LRP1B: variants seen among roughly 807,000 people sequenced by gnomAD.
LRP1B encodes the protein LDL receptor related protein 1B.
LRP1B carries 217 observed loss-of-function variants against 556.6 expected under a neutral mutation model. The observed-to-expected ratio is 0.39, with a 90% confidence interval of 0.35 to 0.44. LRP1B has a LOEUF of 0.44. Ranked by LOEUF, LRP1B falls within the 20% of genes least tolerant of loss-of-function variation. LRP1B has a pLI of 1.00. For missense variants in LRP1B, 5,053 were observed against 5,620.8 expected (o/e 0.90, Z 3.23); for synonymous variants, 2,047 against 1,865.8 (o/e 1.10, Z -2.50).
intron 3 of LRP1B, among the ~76,000 whole-genome samples, chr2:141,314,795 GA>G (rs1203210369): frequency 0.19 from 10,013 of 52,188 alleles, 537 homozygotes; most frequent in African/African-American, 0.3. Context: ...CGTCTCAAAA[GA>G]AAAAAAAAAA....
chr2:140,348,418 A>C (rs1326321354), intron 77 of LRP1B, among the ~76,000 whole-genome samples: 2 of 152,056 alleles, frequency 1.3e-5, no homozygotes, highest in Non-Finnish European at 2.9e-5. Flanking sequence ...CTCATGGCTC[A>C]GAGGTTCCAA....
In LRP1B at chr2:140,534,054, A is replaced by G; in HGVS notation, c.7729T>C (p.Cys2577Arg). The change falls in exon 47 of 91, where the codon TGC (cysteine) becomes CGC (arginine). Residue 2577 changes from cysteine (C) to arginine (R), a missense_variant. Cys to Arg is a radical substitution (Grantham distance 180). Around this residue, in one of 5 missense-constraint regions of LRP1B, gnomAD observed 3,619 missense variants for 3,931.9 expected, o/e 0.92. Transcript: ENST00000389484. ...HGKLCDGENDCGDNSDELDCK... is the reference protein window; with the variant it reads ...HGKLCDGENDRGDNSDELDCK... Reference sequence around the variant, plus strand: ...TCTAATTCATCAGAGTTGTCTCCGCAGTCATTTTCTCCATCACATAACTTG... The same window carrying G: ...TCTAATTCATCAGAGTTGTCTCCGCGGTCATTTTCTCCATCACATAACTTG... 1 of 1,613,572 alleles carries G rather than the reference A, an allele frequency of 6.2e-7. No homozygotes were observed. The highest frequency in any genetic ancestry group is 8.5e-7 in the Non-Finnish European group (1 of 1,179,626).
At chr2:140,851,809 C>G (rs750912357) in intron 27 of LRP1B, 26 bp from the exon 28 acceptor site, 8 of 1,577,528 alleles carry the variant, frequency 5.1e-6, no homozygotes, top group East Asian at 2.3e-5. Context: ...GAAATATGAA[C>G]AGTGAAGAAG....
intron 60 of LRP1B, among the ~76,000 whole-genome samples, chr2:140,474,793 C>A (rs1250103874): frequency 6.6e-6 from 1 of 151,828 alleles, no homozygotes; most frequent in East Asian, 1.9e-4. Flanking sequence ...GAAATCCTAG[C>A]AGTTTGCAGT....
chr2:141,186,144 G>C (rs540821270), intron 7 of LRP1B, among the ~76,000 whole-genome samples: 5 of 149,154 alleles, frequency 3.4e-5, no homozygotes, highest in East Asian at 2.0e-4. Context: ...CATCCTTTTG[G>C]GGGGTAAGGC....
chr2:141,204,636 A>G (rs1457093553), intron 6 of LRP1B, among the ~76,000 whole-genome samples: 2 of 152,204 alleles, frequency 1.3e-5, no homozygotes, highest in Non-Finnish European at 2.9e-5. Flanking sequence ...TATACATAAT[A>G]ATTGCCAACA....
intron 3 of LRP1B, among the ~76,000 whole-genome samples, chr2:141,314,614 A>T (rs1686929139): frequency 6.6e-6 from 1 of 150,922 alleles, no homozygotes. Flanking sequence ...ACATGATGAA[A>T]CCCCGTTTCT....
chr2:141,217,349 G>A (rs370581424), intron 6 of LRP1B, among the ~76,000 whole-genome samples: 6 of 152,122 alleles, frequency 3.9e-5, no homozygotes, highest in African/African-American at 1.4e-4. Context: ...TTATAATTGG[G>A]TGTGATGGTA....
At chr2:140,800,391 A>G (rs1462543076) in intron 32 of LRP1B, among the ~76,000 whole-genome samples, 2 of 152,150 alleles carry the variant, frequency 1.3e-5, no homozygotes, top group Non-Finnish European at 2.9e-5. Context: ...AGAACTTAAA[A>G]GTATAATAAT....
chr2:141,890,323 C>CATACATATATATATATAT (rs1170715951), intron 1 of LRP1B, among the ~76,000 whole-genome samples: 5 of 83,818 alleles, frequency 6.0e-5, no homozygotes, highest in African/African-American at 2.2e-4. Flanking sequence ...GGGCACAATA[C>CATACATATATATATATAT]ATATATATAT....
At chr2:141,231,681 A>G (rs1226187245) in intron 5 of LRP1B, among the ~76,000 whole-genome samples, 1 of 138,640 alleles carries the variant, frequency 7.2e-6, no homozygotes, top group Non-Finnish European at 1.5e-5. Context: ...TGTTATTGCT[A>G]TCGTGTGCAC....
intron 17 of LRP1B, among the ~76,000 whole-genome samples, chr2:140,988,126 G>T (rs1379327732): frequency 6.6e-6 from 1 of 152,034 alleles, no homozygotes; most frequent in African/African-American, 2.4e-5. Context: ...GGGATAAAGA[G>T]AAATGACCTT....
At chr2:140,472,845 T>A (rs1687825886) in intron 60 of LRP1B, among the ~76,000 whole-genome samples, 1 of 152,082 alleles carries the variant, frequency 6.6e-6, no homozygotes, top group South Asian at 2.1e-4. Context: ...GTCTCATATG[T>A]TTTTTATATT....
At chr2:140,948,677 C>T (rs144901341) in intron 20 of LRP1B, among the ~76,000 whole-genome samples, 5 of 152,308 alleles carry the variant, frequency 3.3e-5, no homozygotes, top group Non-Finnish European at 5.9e-5. Context: ...ATAATTTCTA[C>T]GATGTCCATT....
intron 2 of LRP1B, among the ~76,000 whole-genome samples, chr2:141,774,421 T>C (rs749308196): frequency 6.6e-6 from 1 of 152,050 alleles, no homozygotes; most frequent in Non-Finnish European, 1.5e-5. Flanking sequence ...TGGCCAGATC[T>C]TGTGTGCACT....
At chr2:141,681,188 A>G (rs1035174932) in intron 2 of LRP1B, among the ~76,000 whole-genome samples, 15 of 152,156 alleles carry the variant, frequency 9.9e-5, no homozygotes, top group Admixed American at 8.5e-4. Context: ...AGCTCCTTGG[A>G]GGCTGAGGTG....
At chr2:140,351,542 T>G (rs1385496634) in intron 76 of LRP1B, among the ~76,000 whole-genome samples, 1 of 152,142 alleles carries the variant, frequency 6.6e-6, no homozygotes, top group Non-Finnish European at 1.5e-5. Flanking sequence ...TAAAAAGATA[T>G]CAGTATTTAT....
chr2:141,164,606 A>G (rs527746278), intron 7 of LRP1B, among the ~76,000 whole-genome samples: 1 of 152,104 alleles, frequency 6.6e-6, no homozygotes. Context: ...TTCAACCCAA[A>G]GTACTCTAAC....
intron 51 of LRP1B, 57 bp from the exon 52 acceptor site, chr2:140,510,113 T>G: frequency 6.4e-7 from 1 of 1,572,322 alleles, no homozygotes; most frequent in Non-Finnish European, 8.7e-7. Context: ...GGAAAATGTC[T>G]ACCATTTACA....
Sources: allele counts gnomAD v4.1 joint callset (sites outside exome capture counted in the v4.1 genomes callset), GRCh38; gene constraint gnomAD v4.1.1; regional missense constraint gnomAD v4.1.1; transcripts MANE v1.5; gene names NCBI Gene and HGNC (gene_info 2026-07-23, HGNC 2026-07-21).